SHB: variants seen among roughly 807,000 people sequenced by gnomAD.
The protein encoded by SHB is SH2 domain containing adaptor protein B.
SHB carries 20 observed loss-of-function variants against 52.3 expected under a neutral mutation model. That is an observed-to-expected ratio of 0.38 (90% CI 0.27 to 0.56). The LOEUF (loss-of-function observed/expected upper bound fraction) is 0.56, where lower values mean the gene tolerates loss of function less well. Among genes scored for constraint, SHB ranks in the 20% least tolerant of loss-of-function variants. The pLI is 0.71. For missense variants in SHB, 825 were observed against 723.3 expected, an observed-to-expected ratio of 1.14 and a Z score of -1.61; for synonymous variants, 397 against 316.5, an observed-to-expected ratio of 1.25 and a Z score of -2.70.
chr9:37,946,111 G>A (rs902030743), intron 5 of SHB, among the ~76,000 whole-genome samples: 4 of 152,204 alleles, frequency 2.6e-5, no homozygotes, highest in Non-Finnish European at 5.9e-5. Flanking sequence ...CATACGCAGT[G>A]CACAGATGAG....
At position 38,068,115 on chromosome 9, in the gene SHB, G is replaced by A. The variant is rs542701984; in HGVS notation, c.531C>T (p.Arg177=). The A allele has an allele frequency of 2.7e-6, 4 of 1,467,084 alleles. No individual in the cohort carries two copies. Among genetic ancestry groups the A allele is most frequent in the East Asian group, 5.7e-5 (2 of 35,364 alleles). 90.9% of individuals were successfully genotyped at this position (1,467,084 alleles called of 1,614,324 possible). Residue 177 remains arginine (R), a synonymous_variant, in exon 1 of 6, where the codon CGC becomes CGT. Coordinates refer to ENST00000377707, the MANE Select transcript of SHB (RefSeq NM_003028.3). ...ERRPATPAEV[R]YISPKHRLIK... is the part of the protein sequence containing the mutation. ...TGAGGCGGTGCTTGGGGGAGATGTA[G>A]CGCACCTCGGCCGGCGTGGCGGGCC...
intron 1 of SHB, among the ~76,000 whole-genome samples, chr9:38,051,970 G>GA (rs1170146502): frequency 2.0e-5 from 3 of 152,184 alleles, no homozygotes; most frequent in African/African-American, 7.2e-5. Flanking sequence ...GTCCTCTGAA[G>GA]ATCAGCATCC....
At chr9:37,928,559 G>A (rs1832276306) in intron 5 of SHB, among the ~76,000 whole-genome samples, 1 of 152,190 alleles carries the variant, frequency 6.6e-6, no homozygotes, top group Non-Finnish European at 1.5e-5. Context: ...GCACAGCACA[G>A]CCCCCACAAC....
chr9:37,921,844 G>A (rs2118452967), intron 5 of SHB, among the ~76,000 whole-genome samples: 1 of 152,352 alleles, frequency 6.6e-6, no homozygotes, highest in South Asian at 2.1e-4. Context: ...GTTTGGAAAG[G>A]GCTGTGATTG....
At chr9:38,054,226 C>A (rs1313625606) in intron 1 of SHB, among the ~76,000 whole-genome samples, 2 of 152,232 alleles carry the variant, frequency 1.3e-5, no homozygotes, top group African/African-American at 4.8e-5. Flanking sequence ...GGAGCAACAG[C>A]CCTGGGCTCC....
intron 3 of SHB, among the ~76,000 whole-genome samples, chr9:37,965,115 G>A (rs1169810182): frequency 6.6e-6 from 1 of 152,256 alleles, no homozygotes; most frequent in East Asian, 1.9e-4. Context: ...GAGTCTCCCT[G>A]TCCATAAGAC....
intron 1 of SHB, among the ~76,000 whole-genome samples, chr9:38,051,182 C>T (rs980013873): frequency 1.3e-5 from 2 of 152,094 alleles, no homozygotes; most frequent in African/African-American, 4.8e-5. Context: ...GTGGCTCATG[C>T]CTGTAATCCC....
At chr9:38,064,046 C>G (rs1210944329) in intron 1 of SHB, among the ~76,000 whole-genome samples, 1 of 151,428 alleles carries the variant, frequency 6.6e-6, no homozygotes, top group African/African-American at 2.4e-5. Context: ...ACCTGTTTGG[C>G]TGCACAAAAG....
chr9:38,020,439 C>T (rs1395371498), intron 1 of SHB, among the ~76,000 whole-genome samples: 1 of 152,212 alleles, frequency 6.6e-6, no homozygotes, highest in Non-Finnish European at 1.5e-5. Context: ...GACAAGCCTC[C>T]AGATATTACT....
Position 37,953,727 on chromosome 9 carries a change from G to A in SHB, c.1226+2156C>T, listed in dbSNP as rs193287423. On this transcript the variant is annotated intron_variant, in intron 4 of 5. Transcript: ENST00000377707. ...GGAGGAGAGGTTCAGACTGGAAGGC[G>A]CCTCCTGAACTCTAGAACAGCATCA... is the stretch of plus-strand genomic sequence containing the variant. Among the ~76,000 whole-genome samples the A allele has an allele frequency of 1.4e-4, 21 of 152,268 alleles. No homozygotes were observed. The East Asian group carries it at 3.7e-3, about 27-fold the overall frequency.
At chr9:38,046,130 G>A (rs761044588) in intron 1 of SHB, among the ~76,000 whole-genome samples, 9 of 152,190 alleles carry the variant, frequency 5.9e-5, no homozygotes, top group Non-Finnish European at 1.0e-4. Context: ...AGGAGGCTGA[G>A]GTGGGAGAAT....
At chr9:38,024,705 G>A (rs1419843153) in intron 1 of SHB, among the ~76,000 whole-genome samples, 1 of 152,126 alleles carries the variant, frequency 6.6e-6, no homozygotes, top group Non-Finnish European at 1.5e-5. Context: ...AGTAGTGGGA[G>A]GTTCTATTTT....
chr9:37,957,051 GC>G (rs1308325624), intron 3 of SHB, among the ~76,000 whole-genome samples: 2 of 152,204 alleles, frequency 1.3e-5, no homozygotes, highest in Non-Finnish European at 2.9e-5. Context: ...GCGAGCCTTG[GC>G]TACGCTATTG....
chr9:37,952,938 G>T (rs1478835646), intron 4 of SHB, among the ~76,000 whole-genome samples: 2 of 152,044 alleles, frequency 1.3e-5, no homozygotes, highest in Non-Finnish European at 2.9e-5. Context: ...TGGGAGAGGT[G>T]TGGGCTGATG....
chr9:37,955,787 C>G (rs1349389282), intron 4 of SHB, 96 bp downstream of exon 4: 2 of 1,246,142 alleles, frequency 1.6e-6, no homozygotes, highest in East Asian at 2.4e-5. Context: ...CACGCCCGGC[C>G]CAGTCTGTGG....
intron 1 of SHB, among the ~76,000 whole-genome samples, chr9:38,059,138 G>GA (rs1387943905): frequency 6.6e-6 from 1 of 152,220 alleles, no homozygotes; most frequent in African/African-American, 2.4e-5. Context: ...ATGAATGAAT[G>GA]AGAAGAAAGG....
chr9:37,939,500 C>G (rs1357282993), intron 5 of SHB, among the ~76,000 whole-genome samples: 1 of 152,234 alleles, frequency 6.6e-6, no homozygotes, highest in Non-Finnish European at 1.5e-5. Context: ...TGGATGCTGA[C>G]ACTGTTGGCT....
At position 38,062,999 on chromosome 9, in the gene SHB, G is replaced by A. The variant is rs575197375; in HGVS notation, c.717+4930C>T. Among the ~76,000 whole-genome samples, 13 of 152,350 alleles carry A rather than the reference G, an allele frequency of 8.5e-5. No individual in the cohort carries two copies. In the South Asian group the frequency reaches 2.7e-3, roughly 32 times the overall value. ...TAATACAGTACTCAAGCCTCTCCCA[G>A]TGGGACAGTGAGGATTAAATGACCG... On this transcript the variant is annotated intron_variant, in intron 1 of 5. Transcript: ENST00000377707.
chr9:38,019,758 A>T (rs1821259834), intron 1 of SHB, among the ~76,000 whole-genome samples: 1 of 99,750 alleles, frequency 1.0e-5, no homozygotes, highest in Non-Finnish European at 2.2e-5. Context: ...CCAAATGTGC[A>T]TAAGGGTCCA....
Sources: allele counts gnomAD v4.1 joint callset (sites outside exome capture counted in the v4.1 genomes callset), GRCh38; gene constraint gnomAD v4.1.1; transcripts MANE v1.5; gene names NCBI Gene and HGNC (gene_info 2026-07-23, HGNC 2026-07-21).